Variants in SHANK2 observed in about 807,000 individuals in gnomAD.
SHANK2 encodes the protein SH3 and multiple ankyrin repeat domains 2.
A neutral mutation model predicts 133.7 loss-of-function variants in SHANK2; 43 were observed. The observed-to-expected ratio is 0.32, with a 90% CI of 0.25 to 0.41. The LOEUF (loss-of-function observed/expected upper bound fraction) is 0.41. Among genes scored for constraint, SHANK2 ranks in the 10% least tolerant of loss-of-function variants. SHANK2 has a pLI of 1.00. For synonymous variants in SHANK2, 1,017 were observed against 952.8 expected (o/e 1.07, Z -1.24); for missense variants, 1,994 against 2,235.8 (o/e 0.89, Z 2.18).
chr11:70,662,458 C>A (rs553451167), intron 15 of SHANK2, among the ~76,000 whole-genome samples: 11 of 152,142 alleles, frequency 7.2e-5, no homozygotes, highest in South Asian at 4.1e-4. Context: ...TGCATCCCCC[C>A]CTCCAGCGTC....
chr11:70,951,082 G>A (rs1428889904), intron 10 of SHANK2: 2 of 274,062 alleles, frequency 7.3e-6, no homozygotes, highest in East Asian at 2.0e-4. Context: ...AAGTAGAGAG[G>A]AGTTGCATTC....
At chr11:70,926,465 G>A (rs1178341821) in intron 10 of SHANK2, among the ~76,000 whole-genome samples, 3 of 152,100 alleles carry the variant, frequency 2.0e-5, no homozygotes, top group African/African-American at 7.2e-5. Flanking sequence ...GTGCATTCAC[G>A]GCCAATGGCA....
At chr11:71,075,570 A>G (rs1369755622) in intron 8 of SHANK2, among the ~76,000 whole-genome samples, 1 of 152,134 alleles carries the variant, frequency 6.6e-6, no homozygotes, top group Non-Finnish European at 1.5e-5. Context: ...TTCCATCCTG[A>G]TCCCGGGGCC....
chr11:70,714,768 C>CA lies in SHANK2; in HGVS notation c.1778-16006_1778-16005insT, dbSNP rs1433480277. 2.7e-5 allele frequency among the ~76,000 whole-genome samples: 4 copies of CA among 148,880 alleles called. No individual in the cohort carries two copies. The East Asian group carries it at 7.8e-4, about 29-fold the overall frequency. On this transcript the variant is annotated intron_variant, in intron 14 of 25. Coordinates refer to ENST00000601538, the MANE Select transcript of SHANK2 (RefSeq NM_012309.5). ...CTCCCTACGGCATTTTTCTTCCTTC[C>CA]TTTTTTTTTTCTTTTGCAAAAGATT...
intron 11 of SHANK2, among the ~76,000 whole-genome samples, chr11:70,825,776 A>ATT (rs10623914): frequency 0.61 from 92,061 of 151,352 alleles, 28,882 homozygotes; most frequent in South Asian, 0.81. Context: ...GGAAATGATG[A>ATT]TTTTTTTTTG....
At chr11:71,173,049 G>A (rs369208258) in intron 2 of SHANK2, among the ~76,000 whole-genome samples, 6 of 152,368 alleles carry the variant, frequency 3.9e-5, no homozygotes, top group African/African-American at 7.2e-5. Context: ...GTGCCCTGTC[G>A]TCTCTTAGCA....
At chr11:70,663,748 A>T (rs1372172895) in intron 15 of SHANK2, among the ~76,000 whole-genome samples, 3 of 152,092 alleles carry the variant, frequency 2.0e-5, no homozygotes, top group African/African-American at 7.2e-5. Context: ...CACAACTGTG[A>T]GCCCCTCTTG....
intron 10 of SHANK2, chr11:70,907,779 G>C (rs933788813): frequency 5.3e-6 from 2 of 375,510 alleles, no homozygotes; most frequent in Non-Finnish European, 1.1e-5. Flanking sequence ...AAGACACATC[G>C]GATATGACAA....
chr11:70,696,848 A>C (rs1309552001), intron 15 of SHANK2, among the ~76,000 whole-genome samples: 1 of 152,252 alleles, frequency 6.6e-6, no homozygotes, highest in Non-Finnish European at 1.5e-5. Flanking sequence ...AACAACCAAA[A>C]GGTGGAAATA....
At chr11:70,857,275 C>T (rs565627625) in intron 11 of SHANK2, among the ~76,000 whole-genome samples, 8 of 152,260 alleles carry the variant, frequency 5.3e-5, no homozygotes, top group African/African-American at 1.7e-4. Flanking sequence ...AAGTAGCACC[C>T]ACAAAGGGTT....
chr11:70,573,128 C>T (rs1219425762), intron 17 of SHANK2, among the ~76,000 whole-genome samples: 1 of 151,974 alleles, frequency 6.6e-6, no homozygotes, highest in Non-Finnish European at 1.5e-5. Flanking sequence ...GAGGAACCAA[C>T]CCAAAAAATA....
chr11:71,243,978 G>GA (rs1399244867), intron 1 of SHANK2, among the ~76,000 whole-genome samples: 3 of 152,124 alleles, frequency 2.0e-5, no homozygotes, highest in Non-Finnish European at 4.4e-5. Context: ...AAACTTTTCA[G>GA]AAAAAAATGG....
chr11:71,181,112 C>CGAGCTGAT (rs1565499170), intron 2 of SHANK2, among the ~76,000 whole-genome samples: 1 of 152,016 alleles, frequency 6.6e-6, no homozygotes, highest in East Asian at 1.9e-4. Flanking sequence ...CAACTGCTGA[C>CGAGCTGAT]GAGGGGAGGT....
intron 15 of SHANK2, among the ~76,000 whole-genome samples, chr11:70,689,078 G>A (rs544961371): frequency 3.9e-5 from 6 of 152,316 alleles, no homozygotes; most frequent in South Asian, 2.1e-4. Context: ...GAGCAGTTAC[G>A]TGCAGAGATC....
chr11:70,842,073 T>C (rs1948915196), intron 11 of SHANK2, among the ~76,000 whole-genome samples: 1 of 152,194 alleles, frequency 6.6e-6, no homozygotes, highest in Non-Finnish European at 1.5e-5. Flanking sequence ...GAAGCCTGGA[T>C]GGGTGTCACA....
chr11:70,574,046 C>A (rs1478484543), intron 17 of SHANK2, among the ~76,000 whole-genome samples: 2 of 152,194 alleles, frequency 1.3e-5, no homozygotes, highest in Non-Finnish European at 2.9e-5. Context: ...GAAGTCTGAT[C>A]TCCTCCTACC....
chr11:70,520,413 C>T (rs192071025), intron 17 of SHANK2, among the ~76,000 whole-genome samples: 15 of 152,188 alleles, frequency 9.9e-5, no homozygotes, highest in Admixed American at 2.6e-4. Context: ...TTTGTTCTAC[C>T]CCTGAATTAA....
chr11:70,927,120 T>C (rs1950439885), intron 10 of SHANK2, among the ~76,000 whole-genome samples: 1 of 152,196 alleles, frequency 6.6e-6, no homozygotes, highest in Non-Finnish European at 1.5e-5. Flanking sequence ...TGTTAATTTC[T>C]TTGTTTTAAA....
At chr11:70,746,470 G>A (rs907487536) in intron 14 of SHANK2, among the ~76,000 whole-genome samples, 5 of 150,676 alleles carry the variant, frequency 3.3e-5, no homozygotes, top group African/African-American at 1.2e-4. Flanking sequence ...CCAGGACAGG[G>A]AAGGCTGGAC....
Sources: gnomAD v4.1 joint callset for allele counts (sites outside exome capture counted in the v4.1 genomes callset) on GRCh38, gnomAD v4.1.1 for gene constraint, MANE v1.5 for transcripts, NCBI Gene and HGNC (gene_info 2026-07-23, HGNC 2026-07-21) for gene names.